CNTNAP5: variants seen among roughly 807,000 people sequenced by gnomAD.
CNTNAP5 encodes contactin associated protein family member 5.
Under a neutral mutation model 150.2 loss-of-function variants are expected in CNTNAP5, and 72 were observed. The ratio of observed to expected loss-of-function variants is 0.48; its 90% confidence interval spans 0.40 to 0.58. The LOEUF (loss-of-function observed/expected upper bound fraction) is 0.58, where lower values mean the gene tolerates loss of function less well. Among genes scored for constraint, CNTNAP5 ranks in the 20% least tolerant of loss-of-function variants. The pLI is 0.00. For missense variants in CNTNAP5, 1,636 were observed against 1,626.2 expected (o/e 1.01, Z -0.10); for synonymous variants, 672 against 619.8 (o/e 1.08, Z -1.25).
chr2:124,200,623 A>G (rs1441638349), intron 1 of CNTNAP5, among the ~76,000 whole-genome samples: 1 of 152,224 alleles, frequency 6.6e-6, no homozygotes, highest in African/African-American at 2.4e-5. Context: ...ATATAAACAG[A>G]TCTCTAAAAC....
At chr2:124,752,805 C>G (rs1680756568) in intron 14 of CNTNAP5, among the ~76,000 whole-genome samples, 1 of 152,142 alleles carries the variant, frequency 6.6e-6, no homozygotes, top group South Asian at 2.1e-4. Flanking sequence ...CTGGTGACAG[C>G]TCTGGGTTGC....
At position 124,763,727 on chromosome 2, in the gene CNTNAP5, G is replaced by T. The variant is rs1340638039; in HGVS notation, c.2290G>T (p.Val764Phe). 6.2e-7 allele frequency: 1 copy of T among 1,612,932 alleles called. No homozygotes were observed. The highest frequency in any genetic ancestry group is 8.5e-7 in the Non-Finnish European group (1 of 1,179,444). Reference protein sequence around the residue: ...FKDHLPVTQIVITDTDRSNSE... With the variant: ...FKDHLPVTQIFITDTDRSNSE... ...AGACCACTTGCCTGTCACTCAGATA[G>T]TTATCACTGATACCGACAGATCAAA... Residue 764 changes from valine to phenylalanine, a missense_variant, in exon 15 of 24, where the codon GTT (valine) becomes TTT (phenylalanine). By Grantham distance (50) the Val-to-Phe change is conservative (BLOSUM62 -1). Transcript: ENST00000682447.
chr2:124,697,230 T>C (rs1338893694), intron 13 of CNTNAP5, among the ~76,000 whole-genome samples: 1 of 152,202 alleles, frequency 6.6e-6, no homozygotes, highest in Admixed American at 6.6e-5. Context: ...CTTATTGCAA[T>C]TAATGGGCCC....
intron 2 of CNTNAP5, among the ~76,000 whole-genome samples, chr2:124,235,347 G>A (rs113994921): frequency 2.0e-5 from 3 of 152,166 alleles, no homozygotes; most frequent in Non-Finnish European, 2.9e-5. Flanking sequence ...ACCTGCTAGA[G>A]AGGATCTGGA....
Position 124,222,119 on chromosome 2 carries a change from T to A in CNTNAP5, c.187+310T>A, listed in dbSNP as rs1255353615. On this transcript the variant is annotated intron_variant, in intron 2 of 23. Coordinates refer to ENST00000682447, the MANE Select transcript of CNTNAP5 (RefSeq NM_001367498.1). Reference sequence around the variant, plus strand: ...TATTTCCATAGCTAACATAAATAGATATAAAACATGTTTTATAATAAAATA... The same window carrying A: ...TATTTCCATAGCTAACATAAATAGAAATAAAACATGTTTTATAATAAAATA... Among the ~76,000 whole-genome samples, 4 of 152,114 alleles carry A rather than the reference T, an allele frequency of 2.6e-5. No individual in the cohort carries two copies. The East Asian group carries it at 5.8e-4, about 22-fold the overall frequency.
intron 18 of CNTNAP5, among the ~76,000 whole-genome samples, chr2:124,791,623 T>A (rs1292956602): frequency 6.6e-6 from 1 of 151,814 alleles, no homozygotes; most frequent in Non-Finnish European, 1.5e-5. Context: ...ACAGTAGACC[T>A]CTCTGCATTT....
At chr2:124,439,628 G>A (rs1183169198) in intron 5 of CNTNAP5, among the ~76,000 whole-genome samples, 1 of 152,100 alleles carries the variant, frequency 6.6e-6, no homozygotes, top group African/African-American at 2.4e-5. Context: ...GAGAAACATA[G>A]AGACTTGCTC....
chr2:124,096,478 T>C (rs77624876), intron 1 of CNTNAP5, among the ~76,000 whole-genome samples: 12,918 of 152,186 alleles, frequency 0.085, 735 homozygotes, highest in Non-Finnish European at 0.13. Context: ...TTTAGGGGAC[T>C]AGACATTCAT....
chr2:124,580,860 A>T (rs186231832), intron 11 of CNTNAP5, among the ~76,000 whole-genome samples: 1 of 152,342 alleles, frequency 6.6e-6, no homozygotes, highest in East Asian at 1.9e-4. Context: ...ATAAAGGAGA[A>T]GTTCAGAACA....
At chr2:124,833,920 G>T (rs1346797388) in intron 19 of CNTNAP5, among the ~76,000 whole-genome samples, 1 of 152,154 alleles carries the variant, frequency 6.6e-6, no homozygotes, top group East Asian at 1.9e-4. Flanking sequence ...TCTTTCTGAG[G>T]AGCTGCACAT....
intron 13 of CNTNAP5, 85 bp from the exon 14 acceptor site, chr2:124,747,144 G>A: frequency 7.6e-7 from 1 of 1,321,734 alleles, no homozygotes; most frequent in South Asian, 1.4e-5. Context: ...TATTCTCCAA[G>A]ATATTTTCAG....
At chr2:124,541,482 G>A (rs1695383249) in intron 10 of CNTNAP5, among the ~76,000 whole-genome samples, 1 of 152,130 alleles carries the variant, frequency 6.6e-6, no homozygotes, top group African/African-American at 2.4e-5. Flanking sequence ...ATTTCAGCTA[G>A]CAATTTGGTA....
At chr2:124,134,699 C>T (rs888135235) in intron 1 of CNTNAP5, among the ~76,000 whole-genome samples, 1 of 152,124 alleles carries the variant, frequency 6.6e-6, no homozygotes, top group Non-Finnish European at 1.5e-5. Flanking sequence ...GTCAATAGTC[C>T]TAATGATCTT....
chr2:124,583,340 C>T (rs1696456581), intron 11 of CNTNAP5, among the ~76,000 whole-genome samples: 1 of 152,194 alleles, frequency 6.6e-6, no homozygotes, highest in East Asian at 1.9e-4. Flanking sequence ...TAGCCGGGAA[C>T]GATATGGTTA....
At position 124,764,020 on chromosome 2, in the gene CNTNAP5, C is replaced by A. The variant is rs867793599; in HGVS notation, c.2406C>A (p.Tyr802Ter). The part of the protein sequence containing the change: ...NAVSFYTEAS[Y>*]LHFPTFHAEF... ...TCTCATTTTATACAGAAGCCTCTTA[C>A]CTCCACTTTCCTACCTTCCATGCGG... Residue 802 changes from tyrosine (Y) to a stop codon, truncating the protein, a stop_gained, in exon 16 of 24, where the codon TAC becomes TAA. Transcript: ENST00000682447. LOFTEE classifies it high-confidence loss of function. 1.2e-6 allele frequency: 2 copies of A among 1,613,182 alleles called. No individual in the cohort carries two copies. Among genetic ancestry groups the A allele is most frequent in the African/African-American group, 2.7e-5 (2 of 74,874 alleles).
intron 1 of CNTNAP5, among the ~76,000 whole-genome samples, chr2:124,164,760 CAT>C (rs1309064055): frequency 6.6e-6 from 1 of 152,146 alleles, no homozygotes; most frequent in Non-Finnish European, 1.5e-5. Flanking sequence ...TAAGCATAAT[CAT>C]AAGACACTGG....
chr2:124,051,777 A>T (rs17010772), intron 1 of CNTNAP5, among the ~76,000 whole-genome samples: 1 of 152,252 alleles, frequency 6.6e-6, no homozygotes, highest in East Asian at 1.9e-4. Context: ...TGAGACATAC[A>T]GTTTACCTGC....
intron 10 of CNTNAP5, among the ~76,000 whole-genome samples, chr2:124,543,532 G>A (rs532380035): frequency 3.3e-5 from 5 of 152,252 alleles, no homozygotes; most frequent in East Asian, 3.9e-4. Context: ...AAAAATTTTC[G>A]TGGAAGGATG....
At chr2:124,392,102 C>T (rs59815984) in intron 3 of CNTNAP5, among the ~76,000 whole-genome samples, 15,821 of 152,126 alleles carry the variant, frequency 0.1, 1,192 homozygotes, top group African/African-American at 0.22. Context: ...TGACTTCTCC[C>T]ATCTCTGTTC....
Sources: allele counts gnomAD v4.1 joint callset (sites outside exome capture counted in the v4.1 genomes callset), GRCh38; gene constraint gnomAD v4.1.1; transcripts MANE v1.5; gene names NCBI Gene and HGNC (gene_info 2026-07-23, HGNC 2026-07-21).